NEXMIF: variants seen among roughly 807,000 people sequenced by gnomAD.
The protein encoded by NEXMIF is XLMR protein related to neurite extension.
In NEXMIF, 8 loss-of-function variants were observed where a neutral mutation model predicts 62.1. The observed-to-expected ratio is 0.13, with a 90% confidence interval of 0.08 to 0.23. NEXMIF has a LOEUF of 0.23. NEXMIF is among the 10% of genes least tolerant of loss of function. NEXMIF has a pLI of 1.00. For synonymous variants in NEXMIF, 404 were observed against 416.6 expected (o/e 0.97, Z 0.37); for missense variants, 976 against 1,113.3 (o/e 0.88, Z 1.75).
At chrX:74,803,764 A>G (rs748649380) in intron 1 of NEXMIF, among the ~76,000 whole-genome samples, 1 of 32,935 alleles carries the variant, frequency 3.0e-5, no homozygotes, top group Non-Finnish European at 2.5e-4. Context: ...GTGCTGAAGG[A>G]AAAAAAAAAC....
intron 1 of NEXMIF, among the ~76,000 whole-genome samples, chrX:74,756,079 T>G (rs1413998468): frequency 9.1e-6 from 1 of 110,054 alleles, no homozygotes; most frequent in African/African-American, 3.3e-5. Context: ...TTCACCATGT[T>G]GGTCAGGCTG....
At chrX:74,885,600 G>T (rs1361637526) in intron 1 of NEXMIF, among the ~76,000 whole-genome samples, 1 of 111,546 alleles carries the variant, frequency 9.0e-6, no homozygotes, top group Non-Finnish European at 1.9e-5. Context: ...AAACCAGGAA[G>T]AAGTTGAATC....
At chrX:74,908,281 C>T (rs1395580670) in intron 1 of NEXMIF, among the ~76,000 whole-genome samples, 1 of 112,068 alleles carries the variant, frequency 8.9e-6, no homozygotes, top group Admixed American at 9.5e-5. Flanking sequence ...AGTATATGGC[C>T]TGGTTGTCTG....
intron 1 of NEXMIF, among the ~76,000 whole-genome samples, chrX:74,875,878 T>C (rs1025099709): frequency 1.8e-5 from 2 of 111,837 alleles, no homozygotes; most frequent in African/African-American, 6.5e-5. Context: ...ATTTGATTCT[T>C]CTCTCTTTTT....
chrX:74,906,313 C>T (rs1189417023), intron 1 of NEXMIF, among the ~76,000 whole-genome samples: 1 of 109,281 alleles, frequency 9.2e-6, no homozygotes, highest in South Asian at 4.0e-4. Flanking sequence ...AATGAAAGAA[C>T]GGGTAAGAGG....
intron 1 of NEXMIF, among the ~76,000 whole-genome samples, chrX:74,898,635 G>A (rs1028680753): frequency 4.9e-4 from 55 of 111,863 alleles, no homozygotes; most frequent in African/African-American, 1.7e-3. Flanking sequence ...AGAAGATGGT[G>A]TGGGGTATGT....
chrX:74,814,538 G>T (rs1468827111), intron 1 of NEXMIF, among the ~76,000 whole-genome samples: 1 of 111,665 alleles, frequency 9.0e-6, no homozygotes, highest in Admixed American at 9.5e-5. Context: ...TTTCCTGGGG[G>T]AAACAAAAGA....
chrX:74,783,719 G>A (rs926018348), intron 1 of NEXMIF, among the ~76,000 whole-genome samples: 3 of 111,230 alleles, frequency 2.7e-5, no homozygotes, highest in Non-Finnish European at 5.7e-5. Flanking sequence ...CAGCTCTGGG[G>A]GTATAAAGCA....
At chrX:74,785,924 A>G (rs2080259095) in intron 1 of NEXMIF, among the ~76,000 whole-genome samples, 1 of 112,856 alleles carries the variant, frequency 8.9e-6, no homozygotes, top group Non-Finnish European at 1.9e-5. Context: ...ATAAGGTAAT[A>G]GACAAAACTT....
At chrX:74,814,580 A>C (rs1334367088) in intron 1 of NEXMIF, among the ~76,000 whole-genome samples, 1 of 112,138 alleles carries the variant, frequency 8.9e-6, no homozygotes, top group Non-Finnish European at 1.9e-5. Flanking sequence ...GGGAATTTCC[A>C]GTTTACATAG....
intron 1 of NEXMIF, among the ~76,000 whole-genome samples, chrX:74,848,027 C>T (rs1240602849): frequency 7.2e-5 from 8 of 110,930 alleles, no homozygotes; most frequent in Non-Finnish European, 1.5e-4. Flanking sequence ...CACTGACATA[C>T]AGCTTATGTC....
chrX:74,906,080 G>C (rs935527134), intron 1 of NEXMIF, among the ~76,000 whole-genome samples: 2 of 109,751 alleles, frequency 1.8e-5, no homozygotes, highest in African/African-American at 6.6e-5. Context: ...GACCAGCCTG[G>C]GCAAGATGAC....
chrX:74,749,482 A>T (rs1249103469), intron 1 of NEXMIF, among the ~76,000 whole-genome samples: 1 of 110,383 alleles, frequency 9.1e-6, no homozygotes, highest in Non-Finnish European at 1.9e-5. Flanking sequence ...CATTCTGTTC[A>T]CTTCCCCCTA....
intron 1 of NEXMIF, among the ~76,000 whole-genome samples, chrX:74,842,414 C>T (rs2080476937): frequency 9.0e-6 from 1 of 111,224 alleles, no homozygotes. Flanking sequence ...ATTAATTTTT[C>T]CAAGAAACAA....
intron 1 of NEXMIF, among the ~76,000 whole-genome samples, chrX:74,776,583 T>A (rs2080229041): frequency 9.2e-6 from 1 of 108,768 alleles, no homozygotes; most frequent in Admixed American, 9.9e-5. Context: ...AAAAATAACC[T>A]GGGCGTGGTG....
rs751215420 is a variant in NEXMIF, at chrX:74,748,989, C to T, written c.-47-3292G>A. On this transcript the variant is annotated intron_variant, in intron 1 of 3. Coordinates refer to ENST00000055682, the MANE Select transcript of NEXMIF (RefSeq NM_001008537.3). ...AATTCATCAAAATTATTAGTACTACCTGTGATCACAGTATTCTATCAAGTA... is the reference window on the plus strand; with the variant it reads ...AATTCATCAAAATTATTAGTACTACTTGTGATCACAGTATTCTATCAAGTA... 7.1e-5 allele frequency among the ~76,000 whole-genome samples: 8 copies of T among 111,995 alleles called. No homozygotes were observed. In the South Asian group the frequency reaches 3.0e-3, roughly 42 times the overall value.
At chrX:74,751,080 A>G (rs1318943244) in intron 1 of NEXMIF, among the ~76,000 whole-genome samples, 1 of 110,592 alleles carries the variant, frequency 9.0e-6, no homozygotes, top group Non-Finnish European at 1.9e-5. Flanking sequence ...ATACAAAAAC[A>G]TTAGCCGGGC....
chrX:74,856,015 A>G (rs764503676), intron 1 of NEXMIF, among the ~76,000 whole-genome samples: 8 of 112,414 alleles, frequency 7.1e-5, no homozygotes, highest in Admixed American at 9.4e-5. Flanking sequence ...ACAAAACACC[A>G]TTATGAAACA....
At chrX:74,753,207 C>T (rs1406211349) in intron 1 of NEXMIF, among the ~76,000 whole-genome samples, 1 of 112,256 alleles carries the variant, frequency 8.9e-6, no homozygotes. Context: ...ATCCTGTTAA[C>T]TGCATTTTAA....
Sources: gnomAD v4.1 joint callset for allele counts (sites outside exome capture counted in the v4.1 genomes callset) on GRCh38, gnomAD v4.1.1 for gene constraint, MANE v1.5 for transcripts, NCBI Gene and HGNC (gene_info 2026-07-23, HGNC 2026-07-21) for gene names.